C19orf25: variants seen among roughly 807,000 people sequenced by gnomAD.
C19orf25 encodes the protein UPF0449 protein C19orf25.
A neutral mutation model predicts 3.1 loss-of-function variants in C19orf25; 1 was observed. That is an observed-to-expected ratio of 0.32 (90% CI 0.12 to 1.54). The LOEUF is 1.54. Ranked by LOEUF, C19orf25 falls within the 40% of genes most tolerant of loss-of-function variation. The probability of loss-of-function intolerance (pLI) is 0.38; values close to 1 mark genes in which losing one functional copy is unlikely to be tolerated. For synonymous variants in C19orf25, 91 were observed against 74.3 expected (o/e 1.23, Z -1.16); for missense variants, 196 against 160.4 (o/e 1.22, Z -1.20).
chr19:1,476,450 C>T (rs761877532), intron 2 of C19orf25: 9 of 395,228 alleles, frequency 2.3e-5, no homozygotes, highest in African/African-American at 1.4e-4. Context: ...GCTCAAACCA[C>T]GGCCCCAGCA....
chr19:1,475,297 C>A, intron 2 of C19orf25, 39 bp from the exon 3 acceptor site: 2 of 1,508,240 alleles, frequency 1.3e-6, no homozygotes, highest in Non-Finnish European at 1.8e-6. Context: ...CTGCTGACCA[C>A]CCCATCCTCC....
intron 2 of C19orf25, chr19:1,475,599 G>A (rs2084197803): frequency 1.1e-5 from 3 of 269,234 alleles, no homozygotes; most frequent in African/African-American, 2.2e-5. Flanking sequence ...AGAGGCAGGA[G>A]GATCGCTTGA....
At chr19:1,475,650 C>T (rs757243111) in intron 2 of C19orf25, 30 of 199,636 alleles carry the variant, frequency 1.5e-4, no homozygotes, top group Non-Finnish European at 2.1e-4. Context: ...GATCGTGCCA[C>T]GGTACTCCAG....
At chr19:1,475,419 C>T (rs1315816609) in intron 2 of C19orf25, 161 bp from the exon 3 acceptor site, 14 of 708,890 alleles carry the variant, frequency 2.0e-5, no homozygotes, top group South Asian at 1.8e-4. Context: ...TGGTGGCTCA[C>T]GCCTGTAATC....
At chr19:1,476,226 T>C (rs758910839) in intron 2 of C19orf25, 4 of 398,800 alleles carry the variant, frequency 1.0e-5, no homozygotes, top group Non-Finnish European at 1.8e-5. Context: ...CTCGGCAGTG[T>C]GGTCTCCCAC....
Position 1,474,964 on chromosome 19 carries a change from C to G in C19orf25, c.*68G>C, listed in dbSNP as rs533017181. ...CCCGTGAATGCCAGTCTGGGGCCGA[C>G]GGACCCCCAGGGAAAGCCTGGGTGC... On this transcript the variant is annotated 3_prime_UTR_variant, in exon 3 of 3. Transcript: ENST00000585675. 1 of 1,531,718 alleles carries G rather than the reference C, an allele frequency of 6.5e-7. No homozygotes were observed. 94.9% of individuals were successfully genotyped at this position (1,531,718 alleles called of 1,614,324 possible). A position where few individuals can be genotyped will look rare whatever the true frequency, so the allele number is the denominator to read the frequency against.
chr19:1,477,998 C>T (rs1300384693), intron 2 of C19orf25, among the ~76,000 whole-genome samples: 1 of 152,122 alleles, frequency 6.6e-6, no homozygotes, highest in Non-Finnish European at 1.5e-5. Flanking sequence ...TGCCACCACA[C>T]CCGGCTAATT....
At chr19:1,478,163 C>T (rs767544819) in intron 2 of C19orf25, among the ~76,000 whole-genome samples, 1 of 152,136 alleles carries the variant, frequency 6.6e-6, no homozygotes, top group African/African-American at 2.4e-5. Flanking sequence ...GAGACACAGT[C>T]TGGCTGTGTT....
chr19:1,477,784 G>C (rs1039696886), intron 2 of C19orf25, among the ~76,000 whole-genome samples: 1 of 152,190 alleles, frequency 6.6e-6, no homozygotes, highest in Admixed American at 6.5e-5. Context: ...GCCAGGGGCA[G>C]GGTTTGGGGG....
In C19orf25 at chr19:1,475,190, G is replaced by A. The variant is rs1405817209; in HGVS notation, c.199C>T (p.Arg67Trp). Residue 67 changes from arginine to tryptophan, a missense_variant, in exon 3 of 3, where the codon CGG becomes TGG. By Grantham distance (101) the Arg-to-Trp change is moderately radical. Transcript: ENST00000585675. ...APGEQLYQQSRAYVAANQRLQ... is the reference protein window; with the variant it reads ...APGEQLYQQSWAYVAANQRLQ... ...CGCTGGTTGGCAGCCACGTAGGCCC[G>A]GCTTTGCTGGTAGAGCTGCTCTCCC... is the stretch of plus-strand genomic sequence containing the variant. The A allele has an allele frequency of 1.7e-5, 27 of 1,569,932 alleles. No homozygotes were observed. Among genetic ancestry groups the A allele is most frequent in the Middle Eastern group, 1.7e-4 (1 of 6,042 alleles).
chr19:1,478,630 G>C (rs1038681077), intron 2 of C19orf25, 144 bp downstream of exon 2: 3 of 1,448,326 alleles, frequency 2.1e-6, no homozygotes, highest in Non-Finnish European at 2.7e-6. Flanking sequence ...GAGGAGTAGA[G>C]GGAGACTCGG....
At chr19:1,478,996 C>CGT in intron 1 of C19orf25, 91 bp from the exon 2 acceptor site, 3 of 1,427,376 alleles carry the variant, frequency 2.1e-6, no homozygotes, top group Non-Finnish European at 2.7e-6. Flanking sequence ...CGTACGCACC[C>CGT]GTCGCGGTCC....
intron 2 of C19orf25, 142 bp downstream of exon 2, chr19:1,478,632 G>A (rs1401616241): frequency 1.4e-6 from 2 of 1,448,728 alleles, no homozygotes; most frequent in African/African-American, 1.5e-5. Context: ...GGAGTAGAGG[G>A]AGACTCGGAG....
At chr19:1,478,594 C>G (rs1447640091) in intron 2 of C19orf25, 180 bp downstream of exon 2, 25 of 1,399,348 alleles carry the variant, frequency 1.8e-5, no homozygotes, top group Non-Finnish European at 3.7e-6. Flanking sequence ...TCAGAAGAAC[C>G]CTCTGAAAAT....
Position 1,478,823 on chromosome 19 carries a change from C to G in C19orf25, c.81G>C (p.Val27=). The G allele has an allele frequency of 6.3e-7, 1 of 1,593,258 alleles. No individual in the cohort carries two copies. Among genetic ancestry groups the G allele is most frequent in the Non-Finnish European group, 8.5e-7 (1 of 1,171,014 alleles). ...PPTVEQILED[V]RGAPAEDPVF... The stretch of plus-strand genomic sequence containing the variant: ...CTGGATCCTCTGCCGGCGCACCCCG[C>G]ACATCCTCCAGGATCTGCTCCACCG... Residue 27 remains valine, a synonymous_variant, in exon 2 of 3, where the codon GTG becomes GTC. Coordinates refer to ENST00000585675, the MANE Select transcript of C19orf25 (RefSeq NM_152482.3).
rs774420526 is a variant in C19orf25, at chr19:1,475,182, G to A, written c.207C>T (p.Tyr69=). 1.8e-5 allele frequency: 28 copies of A among 1,572,948 alleles called. No individual in the cohort carries two copies. Among genetic ancestry groups the A allele is most frequent in the Middle Eastern group, 1.7e-4 (1 of 6,038 alleles). ...GCTGCAGCCGCTGGTTGGCAGCCAC[G>A]TAGGCCCGGCTTTGCTGGTAGAGCT... is the stretch of plus-strand genomic sequence containing the variant. ...GEQLYQQSRA[Y]VAANQRLQQA... Residue 69 remains tyrosine, a synonymous_variant, in exon 3 of 3, where the codon TAC becomes TAT. Transcript: ENST00000585675.
Position 1,473,673 on chromosome 19 carries a change from C to T in C19orf25, c.*1359G>A, listed in dbSNP as rs981385540. On this transcript the variant is annotated 3_prime_UTR_variant, in exon 3 of 3. Transcript: ENST00000585675. Reference sequence around the variant, plus strand: ...CAGGGGCTGCGGGAGCTGGGACGGCCCCACGTCAAAGCCACTTCAGGGAGC... The same window carrying T: ...CAGGGGCTGCGGGAGCTGGGACGGCTCCACGTCAAAGCCACTTCAGGGAGC... 5 of 152,618 alleles carry T rather than the reference C, an allele frequency of 3.3e-5. No individual in the cohort carries two copies. The highest frequency in any genetic ancestry group is 2.0e-4 in the Admixed American group (3 of 15,302). 9.5% of individuals were successfully genotyped at this position (152,618 alleles called of 1,614,324 possible).
intron 2 of C19orf25, among the ~76,000 whole-genome samples, chr19:1,477,940 A>G (rs971715479): frequency 1.3e-5 from 2 of 152,094 alleles, no homozygotes; most frequent in Non-Finnish European, 2.9e-5. Flanking sequence ...CCCAGGTTCA[A>G]GTGATTCTCC....
chr19:1,478,719 C>A (rs1599180237), intron 2 of C19orf25, 55 bp downstream of exon 2: 1 of 1,534,422 alleles, frequency 6.5e-7, no homozygotes. Context: ...TCTCTCCCGT[C>A]CCCTTGCTGC....
Sources: allele counts gnomAD v4.1 joint callset (sites outside exome capture counted in the v4.1 genomes callset), GRCh38; gene constraint gnomAD v4.1.1; transcripts MANE v1.5; gene names NCBI Gene and HGNC (gene_info 2026-07-23, HGNC 2026-07-21).